The following PPM1H variants were observed in gnomAD, a reference collection of about 807,000 sequenced individuals.
PPM1H encodes the protein protein phosphatase 1H.
Under a neutral mutation model 54.9 loss-of-function variants are expected in PPM1H, and 27 were observed. The ratio of observed to expected loss-of-function variants is 0.49; its 90% CI spans 0.36 to 0.68. The LOEUF (loss-of-function observed/expected upper bound fraction) is 0.68, where lower values mean the gene tolerates loss of function less well. Among genes scored for constraint, PPM1H ranks in the 30% least tolerant of loss-of-function variants. The pLI is 0.00. For missense variants in PPM1H, 596 were observed against 667.8 expected (o/e 0.89, Z 1.19); for synonymous variants, 305 against 270.8 (o/e 1.13, Z -1.24).
chr12:62,842,101 C>G (rs11174693), intron 1 of PPM1H, among the ~76,000 whole-genome samples: 16,637 of 152,092 alleles, frequency 0.11, 1,543 homozygotes, highest in African/African-American at 0.25. Context: ...TTGGAGCCAA[C>G]TGAAATCAAA....
intron 8 of PPM1H, among the ~76,000 whole-genome samples, chr12:62,675,303 T>A (rs902098801): frequency 6.6e-6 from 1 of 152,238 alleles, no homozygotes; most frequent in Non-Finnish European, 1.5e-5. Flanking sequence ...GCCTAGCTGC[T>A]ATTGCATAAA....
chr12:62,840,056 A>AGAGC (rs1868676898), intron 1 of PPM1H: 1 of 125,948 alleles, frequency 7.9e-6, no homozygotes, highest in Non-Finnish European at 1.7e-5. Context: ...AGAGACAGAG[A>AGAGC]GAGAGAGAGA....
At chr12:62,689,496 C>T (rs2076071749) in intron 8 of PPM1H, among the ~76,000 whole-genome samples, 1 of 152,106 alleles carries the variant, frequency 6.6e-6, no homozygotes, top group Non-Finnish European at 1.5e-5. Context: ...GCTGTGCAGC[C>T]ATCTGGGTAA....
intron 9 of PPM1H, among the ~76,000 whole-genome samples, chr12:62,664,133 G>A (rs947267959): frequency 6.6e-6 from 1 of 152,054 alleles, no homozygotes; most frequent in African/African-American, 2.4e-5. Context: ...TTTCTTCTCT[G>A]TTTCCAGAAA....
chr12:62,914,677 G>A (rs2121148619), intron 1 of PPM1H, among the ~76,000 whole-genome samples: 1 of 152,268 alleles, frequency 6.6e-6, no homozygotes, highest in South Asian at 2.1e-4. Flanking sequence ...GACAATACTG[G>A]AAGGTCTTCC....
chr12:62,736,199 C>T lies in PPM1H; in HGVS notation c.954+1303G>A, dbSNP rs187257221. 2.6e-5 allele frequency among the ~76,000 whole-genome samples: 4 copies of T among 152,276 alleles called. No individual in the cohort carries two copies. The East Asian group carries it at 7.7e-4, about 29-fold the overall frequency. On this transcript the variant is annotated intron_variant, in intron 5 of 9. Transcript: ENST00000228705. ...TGGAGGGATCCTTGCAGCTCAGAGGCCCTTGGTGGCCCTATCGTCCAGCTC... is the reference window on the plus strand; with the variant it reads ...TGGAGGGATCCTTGCAGCTCAGAGGTCCTTGGTGGCCCTATCGTCCAGCTC...
chr12:62,845,505 C>A (rs974280925), intron 1 of PPM1H, among the ~76,000 whole-genome samples: 1 of 152,140 alleles, frequency 6.6e-6, no homozygotes, highest in African/African-American at 2.4e-5. Flanking sequence ...ACCTGGTAGA[C>A]CATATATGAG....
chr12:62,707,468 C>A (rs1221829316), intron 6 of PPM1H, among the ~76,000 whole-genome samples: 2 of 152,192 alleles, frequency 1.3e-5, no homozygotes, highest in Admixed American at 1.3e-4. Context: ...CTGCCCAGCG[C>A]TCTTTAACCG....
intron 6 of PPM1H, among the ~76,000 whole-genome samples, chr12:62,709,707 C>G (rs1335391782): frequency 6.6e-6 from 1 of 152,186 alleles, no homozygotes; most frequent in Non-Finnish European, 1.5e-5. Context: ...ACATATGTCC[C>G]AACAGATCTA....
chr12:62,794,471 A>T (rs2076720485), intron 3 of PPM1H, among the ~76,000 whole-genome samples: 1 of 152,198 alleles, frequency 6.6e-6, no homozygotes, highest in African/African-American at 2.4e-5. Flanking sequence ...ATGGAATTAC[A>T]TATAGTAGTT....
At chr12:62,931,024 G>A (rs943912835) in intron 1 of PPM1H, among the ~76,000 whole-genome samples, 3 of 152,162 alleles carry the variant, frequency 2.0e-5, no homozygotes, top group South Asian at 4.1e-4. Context: ...GATTGCTTAC[G>A]GCTAATTCTC....
At chr12:62,884,660 C>T (rs1041444990) in intron 1 of PPM1H, among the ~76,000 whole-genome samples, 3 of 152,112 alleles carry the variant, frequency 2.0e-5, no homozygotes, top group African/African-American at 7.2e-5. Context: ...CTGAACAAAG[C>T]TCATACTTTA....
At chr12:62,708,393 G>T (rs1019362265) in intron 6 of PPM1H, among the ~76,000 whole-genome samples, 1 of 152,172 alleles carries the variant, frequency 6.6e-6, no homozygotes, top group Admixed American at 6.5e-5. Flanking sequence ...CCAGGCCACC[G>T]CAGGTGACCA....
At chr12:62,788,964 A>C (rs754585541) in intron 3 of PPM1H, among the ~76,000 whole-genome samples, 1 of 151,960 alleles carries the variant, frequency 6.6e-6, no homozygotes, top group Non-Finnish European at 1.5e-5. Flanking sequence ...GTGCTGAAGC[A>C]ATCTGCCTGC....
At chr12:62,738,133 T>C (rs1223635578) in intron 4 of PPM1H, among the ~76,000 whole-genome samples, 1 of 152,182 alleles carries the variant, frequency 6.6e-6, no homozygotes, top group African/African-American at 2.4e-5. Context: ...GTGTTGAATG[T>C]ATTTGACAGT....
intron 4 of PPM1H, among the ~76,000 whole-genome samples, chr12:62,776,078 A>G (rs1328802821): frequency 1.3e-5 from 2 of 152,212 alleles, no homozygotes; most frequent in Non-Finnish European, 2.9e-5. Context: ...ACTCTCTATC[A>G]TGAGAACAGC....
chr12:62,790,315 G>A (rs1267189848), intron 3 of PPM1H, among the ~76,000 whole-genome samples: 9 of 152,202 alleles, frequency 5.9e-5, no homozygotes, highest in Admixed American at 2.0e-4. Context: ...GGTGGCTAAC[G>A]CCTGTAATTC....
chr12:62,656,942 T>C (rs2075847720), intron 9 of PPM1H, among the ~76,000 whole-genome samples: 1 of 152,068 alleles, frequency 6.6e-6, no homozygotes, highest in African/African-American at 2.4e-5. Flanking sequence ...ACATCTTAGA[T>C]TCACTGCTGA....
chr12:62,732,291 G>T (rs1347079493), intron 5 of PPM1H, among the ~76,000 whole-genome samples: 2 of 152,202 alleles, frequency 1.3e-5, no homozygotes, highest in Non-Finnish European at 2.9e-5. Context: ...AGGGCCCTCT[G>T]AGGTCAGAAT....
Sources: allele counts gnomAD v4.1 joint callset (sites outside exome capture counted in the v4.1 genomes callset), GRCh38; gene constraint gnomAD v4.1.1; transcripts MANE v1.5; gene names NCBI Gene and HGNC (gene_info 2026-07-23, HGNC 2026-07-21).